The following USP32 variants were observed in gnomAD, a reference collection of about 807,000 sequenced individuals.
USP32 encodes ubiquitin carboxyl-terminal hydrolase 32.
USP32 carries 59 observed loss-of-function variants against 204.8 expected under a neutral mutation model. The observed-to-expected ratio is 0.29, with a 90% CI of 0.23 to 0.36. The LOEUF is 0.36. Ranked by LOEUF, USP32 falls within the 10% of genes least tolerant of loss-of-function variation. The pLI is 1.00. For synonymous variants in USP32, 517 were observed against 678.4 expected, an observed-to-expected ratio of 0.76 and a Z score of 3.70; for missense variants, 1,160 against 1,946.4, an observed-to-expected ratio of 0.60 and a Z score of 7.60.
At chr17:60,347,588 C>T (rs995728200) in intron 1 of USP32, among the ~76,000 whole-genome samples, 4 of 150,828 alleles carry the variant, frequency 2.7e-5, no homozygotes, top group East Asian at 2.0e-4. Flanking sequence ...CTCCTAACCT[C>T]GTGATCCACC....
chr17:60,179,393 G>A lies in USP32; in HGVS notation c.4677C>T (p.Ala1559=). 1 of 1,612,760 alleles carries A rather than the reference G, an allele frequency of 6.2e-7. No homozygotes were observed. Among genetic ancestry groups the A allele is most frequent in the Non-Finnish European group, 8.5e-7 (1 of 1,179,854 alleles). ...CCTGCTGCTCATAGAAAAGAATGTAGGCAGAGTCGGTGTCAATTTCATCCG... is the reference window on the plus strand; with the variant it reads ...CCTGCTGCTCATAGAAAAGAATGTAAGCAGAGTCGGTGTCAATTTCATCCG... ...LHPDEIDTDS[A]YILFYEQQGI... is the part of the protein sequence containing the mutation. Residue 1559 remains alanine, a synonymous_variant, in exon 34 of 34, where the codon GCC becomes GCT. Transcript: ENST00000300896.
intron 1 of USP32, among the ~76,000 whole-genome samples, chr17:60,398,919 T>C (rs559852528): frequency 6.6e-6 from 1 of 152,212 alleles, no homozygotes; most frequent in South Asian, 2.1e-4. Context: ...AATTTGAGGC[T>C]GCAGTGAGCT....
Position 60,218,815 on chromosome 17 carries a change from G to A in USP32, c.1867+855C>T, listed in dbSNP as rs942140233. Among the ~76,000 whole-genome samples, 6 of 152,148 alleles carry A rather than the reference G, an allele frequency of 3.9e-5. No individual in the cohort carries two copies. The East Asian group carries it at 9.6e-4, about 24-fold the overall frequency. ...GGTTCGTGTTGGCCAGGCTGGTCTT[G>A]AACTCCTGACCTCAAGTAATCTGCC... is the stretch of plus-strand genomic sequence containing the variant. On this transcript the variant is annotated intron_variant, in intron 16 of 33. Transcript: ENST00000300896.
intron 1 of USP32, among the ~76,000 whole-genome samples, chr17:60,358,764 T>C (rs566381007): frequency 6.6e-6 from 1 of 152,268 alleles, no homozygotes; most frequent in South Asian, 2.1e-4. Flanking sequence ...ACCAGGATAT[T>C]GAGGATGACG....
At chr17:60,399,559 A>G (rs572608687) in intron 1 of USP32, among the ~76,000 whole-genome samples, 1 of 152,192 alleles carries the variant, frequency 6.6e-6, no homozygotes, top group Non-Finnish European at 1.5e-5. Flanking sequence ...GATGCTTGGG[A>G]GGCTGAGATG....
chr17:60,270,968 G>C (rs537031047), intron 6 of USP32, among the ~76,000 whole-genome samples: 19 of 152,176 alleles, frequency 1.2e-4, no homozygotes, highest in Admixed American at 9.8e-4. Flanking sequence ...AAAAAGTAGA[G>C]GCACCCTACT....
At chr17:60,282,370 A>G (rs1279057985) in intron 5 of USP32, among the ~76,000 whole-genome samples, 1 of 151,170 alleles carries the variant, frequency 6.6e-6, no homozygotes, top group Non-Finnish European at 1.5e-5. Flanking sequence ...CTTTTTTTTT[A>G]TTGAGACGGG....
At chr17:60,214,368 T>A (rs2085049267) in intron 17 of USP32, among the ~76,000 whole-genome samples, 1 of 152,054 alleles carries the variant, frequency 6.6e-6, no homozygotes, top group East Asian at 1.9e-4. Flanking sequence ...AGACAAATAT[T>A]ACAAGTATAC....
chr17:60,183,501 T>C (rs1185553344), intron 30 of USP32, 48 bp from the exon 31 acceptor site: 1 of 1,517,408 alleles, frequency 6.6e-7, no homozygotes, highest in Admixed American at 2.2e-5. Flanking sequence ...GTTCTGAAGA[T>C]ACAAAATTTA....
chr17:60,228,577 G>A lies in USP32; in HGVS notation c.1240-2346C>T, dbSNP rs2085460524. The stretch of plus-strand genomic sequence containing the variant: ...CATGTCTGTAATCCCTGCACTTTGG[G>A]AGCCAAGGTGGCTGGATCACTTGAG... On this transcript the variant is annotated intron_variant, in intron 12 of 33. Transcript: ENST00000300896. 2.0e-5 allele frequency among the ~76,000 whole-genome samples: 3 copies of A among 150,012 alleles called. No homozygotes were observed. In the South Asian group the frequency reaches 6.3e-4, roughly 32 times the overall value.
At chr17:60,180,691 G>C in intron 32 of USP32, 54 bp from the exon 33 acceptor site, 1 of 1,540,202 alleles carries the variant, frequency 6.5e-7, no homozygotes, top group Non-Finnish European at 9.0e-7. Flanking sequence ...ACTATGGCCA[G>C]GGTATAGCAC....
intron 2 of USP32, among the ~76,000 whole-genome samples, chr17:60,325,830 G>A (rs1322796613): frequency 6.6e-6 from 1 of 152,076 alleles, no homozygotes; most frequent in Non-Finnish European, 1.5e-5. Flanking sequence ...TTGGGAGGCT[G>A]AGGCAGGAAG....
At position 60,218,560 on chromosome 17, in the gene USP32, A is replaced by G. The variant is rs543048443; in HGVS notation, c.1867+1110T>C. On this transcript the variant is annotated intron_variant, in intron 16 of 33. Coordinates refer to ENST00000300896, the MANE Select transcript of USP32 (RefSeq NM_032582.4). Reference sequence around the variant, plus strand: ...ATTTAAATTATAATAACATGCTGGTATTGTTAACATAGTCTGAGAATTTGT... The same window carrying G: ...ATTTAAATTATAATAACATGCTGGTGTTGTTAACATAGTCTGAGAATTTGT... 1.1e-3 allele frequency among the ~76,000 whole-genome samples: 166 copies of G among 151,962 alleles called. 1 individual carries two copies. The highest frequency in any genetic ancestry group is 3.0e-3 in the African/African-American group (126 of 41,428).
At chr17:60,223,332 A>G in intron 14 of USP32, 79 bp downstream of exon 14, 1 of 1,223,838 alleles carries the variant, frequency 8.2e-7, no homozygotes, top group South Asian at 1.3e-5. Context: ...ATGTTTTGCT[A>G]TGTGCTAAAA....
Position 60,306,307 on chromosome 17 carries a change from T to C in USP32, c.187-4603A>G, listed in dbSNP as rs906327835. Among the ~76,000 whole-genome samples, 21 of 152,340 alleles carry C rather than the reference T, an allele frequency of 1.4e-4. No individual in the cohort carries two copies. The East Asian group carries it at 3.1e-3, about 22-fold the overall frequency. On this transcript the variant is annotated intron_variant, in intron 2 of 33. Coordinates refer to ENST00000300896, the MANE Select transcript of USP32 (RefSeq NM_032582.4). ...CTTAATAAAGGTAAAGTGTTATTTA[T>C]ATAATTTGTTGCAAGACTTTTGTTT...
chr17:60,408,616 G>A (rs559420647), intron 1 of USP32, among the ~76,000 whole-genome samples: 1 of 152,128 alleles, frequency 6.6e-6, no homozygotes, highest in East Asian at 1.9e-4. Context: ...GACCTCAAAT[G>A]ATCTGCCCAC....
At chr17:60,237,810 A>G (rs1361430577) in intron 11 of USP32, among the ~76,000 whole-genome samples, 2 of 152,188 alleles carry the variant, frequency 1.3e-5, no homozygotes, top group Non-Finnish European at 2.9e-5. Context: ...TATATACTAC[A>G]TCTCGTTTAA....
At chr17:60,377,524 G>A (rs2146104604) in intron 1 of USP32, among the ~76,000 whole-genome samples, 1 of 152,220 alleles carries the variant, frequency 6.6e-6, no homozygotes, top group Non-Finnish European at 1.5e-5. Context: ...ATAAAGATAG[G>A]AGGCATTTCT....
chr17:60,420,190 TGCCATGTTGGCCAG>T (rs1173669484), intron 1 of USP32, among the ~76,000 whole-genome samples: 1 of 151,902 alleles, frequency 6.6e-6, no homozygotes, highest in African/African-American at 2.4e-5. Flanking sequence ...TAGAGGGTTT[TGCCATGTTGGCCAG>T]GCTGGTCTCA....
Sources: gnomAD v4.1 joint callset for allele counts (sites outside exome capture counted in the v4.1 genomes callset) on GRCh38, gnomAD v4.1.1 for gene constraint, MANE v1.5 for transcripts, NCBI Gene and HGNC (gene_info 2026-07-23, HGNC 2026-07-21) for gene names.